ELOVL7: variants seen among roughly 807,000 people sequenced by gnomAD.
The protein encoded by ELOVL7 is very long chain fatty acid elongase 7.
A neutral mutation model predicts 35.7 loss-of-function variants in ELOVL7; 27 were observed. The ratio of observed to expected loss-of-function variants is 0.76; its 90% CI spans 0.56 to 1.04. ELOVL7 has a LOEUF of 1.04. Among genes scored for constraint, ELOVL7 ranks in the 50% least tolerant of loss-of-function variants. The probability of loss-of-function intolerance (pLI) is 0.00; values close to 1 mark genes in which losing one functional copy is unlikely to be tolerated. For synonymous variants in ELOVL7, 113 were observed against 114.6 expected, an observed-to-expected ratio of 0.99 and a Z score of 0.09; for missense variants, 327 against 340.8, an observed-to-expected ratio of 0.96 and a Z score of 0.32.
At chr5:60,758,723 G>C (rs2112126517) in intron 7 of ELOVL7, among the ~76,000 whole-genome samples, 1 of 152,332 alleles carries the variant, frequency 6.6e-6, no homozygotes, top group East Asian at 1.9e-4. Context: ...GTGTTTAGCT[G>C]ATAGTGTGGC....
In ELOVL7 at chr5:60,754,127, T is replaced by A. The variant is rs1190318588; in HGVS notation, c.*497A>T. 6.5e-6 allele frequency: 1 copy of A among 153,608 alleles called. No homozygotes were observed. 9.5% of individuals were successfully genotyped at this position (153,608 alleles called of 1,614,324 possible). ...TTTCACCTGTGCTAGCTTGCTAAAA[T>A]GGGAGTTAACTCTAGAGCAAATATA... On this transcript the variant is annotated 3_prime_UTR_variant, in exon 9 of 9. Coordinates refer to ENST00000508821, the MANE Select transcript of ELOVL7 (RefSeq NM_024930.3).
chr5:60,791,480 C>T (rs1302701870), intron 2 of ELOVL7, among the ~76,000 whole-genome samples: 2 of 152,144 alleles, frequency 1.3e-5, no homozygotes, highest in African/African-American at 4.8e-5. Context: ...CTCAGCATCA[C>T]ACACTATACC....
intron 1 of ELOVL7, among the ~76,000 whole-genome samples, chr5:60,817,333 A>C (rs1039054554): frequency 6.6e-6 from 1 of 152,032 alleles, no homozygotes; most frequent in South Asian, 2.1e-4. Flanking sequence ...AAATGTATTC[A>C]AAAAGATGTC....
intron 2 of ELOVL7, among the ~76,000 whole-genome samples, chr5:60,790,336 T>G (rs1743859444): frequency 2.6e-5 from 4 of 152,276 alleles, no homozygotes; most frequent in African/African-American, 9.6e-5. Flanking sequence ...TTTATACTGT[T>G]GTTTTGTGGC....
chr5:60,802,439 C>T (rs758397332), intron 1 of ELOVL7, among the ~76,000 whole-genome samples: 4 of 151,974 alleles, frequency 2.6e-5, no homozygotes, highest in Non-Finnish European at 4.4e-5. Flanking sequence ...GCATAAAATA[C>T]ATGACAAAGG....
intron 1 of ELOVL7, among the ~76,000 whole-genome samples, chr5:60,802,119 C>CAT (rs1296627220): frequency 1.5e-4 from 1 of 6,552 alleles, no homozygotes; most frequent in African/African-American, 6.6e-4. Flanking sequence ...TATATATATA[C>CAT]ACACACACAC....
chr5:60,842,332 T>G (rs956298230), intron 1 of ELOVL7, among the ~76,000 whole-genome samples: 3 of 152,054 alleles, frequency 2.0e-5, no homozygotes, highest in African/African-American at 7.2e-5. Flanking sequence ...AATGAGCATC[T>G]GGAGCTGTTT....
chr5:60,762,177 C>A (rs1224917381), intron 7 of ELOVL7, among the ~76,000 whole-genome samples: 1 of 151,494 alleles, frequency 6.6e-6, no homozygotes, highest in African/African-American at 2.4e-5. Context: ...TGACTGATGT[C>A]CATAAACATA....
At chr5:60,821,928 T>C (rs1167908249) in intron 1 of ELOVL7, among the ~76,000 whole-genome samples, 2 of 152,118 alleles carry the variant, frequency 1.3e-5, no homozygotes, top group African/African-American at 2.4e-5. Flanking sequence ...TGATCCACGA[T>C]AGGGAAAAAA....
At chr5:60,832,659 C>T (rs193174541) in intron 1 of ELOVL7, among the ~76,000 whole-genome samples, 2 of 152,280 alleles carry the variant, frequency 1.3e-5, no homozygotes, top group East Asian at 3.9e-4. Flanking sequence ...CCATCGCGCC[C>T]AGCCGGAATT....
At chr5:60,779,716 T>C (rs896040045) in intron 3 of ELOVL7, among the ~76,000 whole-genome samples, 1 of 152,216 alleles carries the variant, frequency 6.6e-6, no homozygotes, top group Non-Finnish European at 1.5e-5. Context: ...TTTTCCCCAT[T>C]GTCTTGGTGA....
chr5:60,776,827 A>G (rs953125501), intron 3 of ELOVL7, among the ~76,000 whole-genome samples: 1 of 152,230 alleles, frequency 6.6e-6, no homozygotes, highest in Non-Finnish European at 1.5e-5. Context: ...CAGACAATAT[A>G]GCCTAGTTAT....
chr5:60,765,166 A>C (rs1328083987), intron 6 of ELOVL7, among the ~76,000 whole-genome samples: 1 of 152,204 alleles, frequency 6.6e-6, no homozygotes, highest in Non-Finnish European at 1.5e-5. Context: ...AGCAACTGAG[A>C]ATATGGAAAT....
Position 60,759,042 on chromosome 5 carries a change from G to C in ELOVL7, c.500-1397C>G, listed in dbSNP as rs1294544387. ...AATCTAACAAAACTGTTACACAGTA[G>C]AAATTGCTTTTAAATAATTATTCCT... On this transcript the variant is annotated intron_variant, in intron 7 of 8. Transcript: ENST00000508821. Among the ~76,000 whole-genome samples the C allele has an allele frequency of 1.1e-4, 16 of 152,262 alleles. No homozygotes were observed. In the East Asian group the frequency reaches 3.1e-3, roughly 29 times the overall value.
chr5:60,805,841 G>C (rs779737577), intron 1 of ELOVL7, among the ~76,000 whole-genome samples: 1 of 152,178 alleles, frequency 6.6e-6, no homozygotes, highest in Non-Finnish European at 1.5e-5. Flanking sequence ...AGAGGAAAGA[G>C]ACTGAGCCTC....
At chr5:60,841,743 T>C (rs1747185703) in intron 1 of ELOVL7, among the ~76,000 whole-genome samples, 1 of 151,470 alleles carries the variant, frequency 6.6e-6, no homozygotes, top group African/African-American at 2.4e-5. Flanking sequence ...AATAAAAAGG[T>C]TTTTTTTTAA....
rs572005814 is a variant in ELOVL7, at chr5:60,788,813, G to T, written c.-34-1382C>A. 2.0e-5 allele frequency among the ~76,000 whole-genome samples: 3 copies of T among 151,996 alleles called. No individual in the cohort carries two copies. The South Asian group carries it at 6.3e-4, about 32-fold the overall frequency. ...GTCTTAAAAAAAAAAATCTTCTAGGGTTCCCACAAGAAAATTCAGACTTTC... is the reference window on the plus strand; with the variant it reads ...GTCTTAAAAAAAAAAATCTTCTAGGTTTCCCACAAGAAAATTCAGACTTTC... On this transcript the variant is annotated intron_variant, in intron 2 of 8. Transcript: ENST00000508821.
intron 1 of ELOVL7, among the ~76,000 whole-genome samples, chr5:60,843,790 A>G (rs1193247296): frequency 6.6e-6 from 1 of 150,986 alleles, no homozygotes; most frequent in Non-Finnish European, 1.5e-5. Flanking sequence ...GCGGGACCCC[A>G]GTCCAGGCTC....
chr5:60,763,518 C>G (rs1397096518), intron 7 of ELOVL7, among the ~76,000 whole-genome samples: 1 of 152,166 alleles, frequency 6.6e-6, no homozygotes, highest in Non-Finnish European at 1.5e-5. Context: ...ATAAATCCCC[C>G]AACCAAATTT....
Sources: gnomAD v4.1 joint callset for allele counts (sites outside exome capture counted in the v4.1 genomes callset) on GRCh38, gnomAD v4.1.1 for gene constraint, MANE v1.5 for transcripts, NCBI Gene and HGNC (gene_info 2026-07-23, HGNC 2026-07-21) for gene names.